NFYC: variants seen among roughly 807,000 people sequenced by gnomAD.
NFYC encodes the protein CAAT box DNA-binding protein subunit C.
A neutral mutation model predicts 53.1 loss-of-function variants in NFYC; 25 were observed. The observed-to-expected ratio is 0.47, with a 90% CI of 0.34 to 0.66. The LOEUF (loss-of-function observed/expected upper bound fraction) is 0.66. Ranked by LOEUF, NFYC falls within the 30% of genes least tolerant of loss-of-function variation. The probability of loss-of-function intolerance (pLI) is 0.01; values close to 1 mark genes in which losing one functional copy is unlikely to be tolerated. For synonymous variants in NFYC, 145 were observed against 152.6 expected, an observed-to-expected ratio of 0.95 and a Z score of 0.37; for missense variants, 260 against 422.7, an observed-to-expected ratio of 0.62 and a Z score of 3.38.
intron 1 of NFYC, among the ~76,000 whole-genome samples, chr1:40,731,348 T>C (rs1644760946): frequency 6.6e-6 from 1 of 151,604 alleles, no homozygotes; most frequent in South Asian, 2.1e-4. Flanking sequence ...CTAATTTTTG[T>C]ATTTTTAGTA....
At chr1:40,767,239 A>G in intron 8 of NFYC, 1 of 447,508 alleles carries the variant, frequency 2.2e-6, no homozygotes, top group East Asian at 4.4e-5. Flanking sequence ...GTTGAGGGAC[A>G]TGGGTATTAC....
chr1:40,728,876 T>A (rs1644639353), intron 1 of NFYC, among the ~76,000 whole-genome samples: 1 of 152,106 alleles, frequency 6.6e-6, no homozygotes, highest in Non-Finnish European at 1.5e-5. Context: ...GACCTCAGGT[T>A]ATCCGCCCGC....
At chr1:40,716,550 C>T (rs1354404578) in intron 1 of NFYC, among the ~76,000 whole-genome samples, 1 of 152,102 alleles carries the variant, frequency 6.6e-6, no homozygotes, top group African/African-American at 2.4e-5. Flanking sequence ...CTCTGCTTGA[C>T]GTTGGTGACC....
At position 40,736,820 on chromosome 1, in the gene NFYC, CAA is replaced by C. The variant is rs71060396; in HGVS notation, c.-8-1993_-8-1992del. The stretch of plus-strand genomic sequence containing the variant: ...CAGTAAGTATAATGCAAACTTATTC[CAA>C]AAAAAAAAAAAAAAAAAAAAAAGGC... On this transcript the variant is annotated intron_variant, in intron 1 of 9. Coordinates refer to ENST00000447388, the MANE Select transcript of NFYC (RefSeq NM_014223.5). 8.4e-3 allele frequency among the ~76,000 whole-genome samples: 538 copies of C among 63,678 alleles called. 3 individuals carry two copies. Among genetic ancestry groups the C allele is most frequent in the African/African-American group, 0.032 (512 of 16,212 alleles). The allele number at this position is 63,678 out of a possible 152,430, so 41.8% of individuals were successfully genotyped here.
intron 1 of NFYC, among the ~76,000 whole-genome samples, chr1:40,713,915 G>T (rs11805860): frequency 0.21 from 31,898 of 152,166 alleles, 3,412 homozygotes; most frequent in African/African-American, 0.23. Flanking sequence ...AAGTGTGTTG[G>T]TTAGAAAGTC....
intron 6 of NFYC, 94 bp from the exon 7 acceptor site, chr1:40,762,794 T>G: frequency 8.1e-7 from 1 of 1,239,112 alleles, no homozygotes; most frequent in African/African-American, 1.5e-5. Flanking sequence ...TGGAGAGGGT[T>G]TGCTCCCAGC....
intron 2 of NFYC, 73 bp from the exon 3 acceptor site, chr1:40,747,461 C>A: frequency 2.0e-6 from 2 of 1,022,378 alleles, no homozygotes; most frequent in Admixed American, 1.8e-5. Context: ...CAGAGTGTTT[C>A]CTACTGCCTG....
At chr1:40,693,988 G>C (rs1642986992) in intron 1 of NFYC, among the ~76,000 whole-genome samples, 1 of 152,236 alleles carries the variant, frequency 6.6e-6, no homozygotes, top group South Asian at 2.1e-4. Flanking sequence ...GATTTACCAA[G>C]TAAATTGCTG....
At chr1:40,753,319 C>G in intron 5 of NFYC, 73 bp downstream of exon 5, 1 of 982,478 alleles carries the variant, frequency 1.0e-6, no homozygotes, top group Admixed American at 1.8e-5. Context: ...TACGCTCCTT[C>G]TCTCTCAGCA....
At chr1:40,730,679 C>A in intron 1 of NFYC, 1 of 855,252 alleles carries the variant, frequency 1.2e-6, no homozygotes, top group Non-Finnish European at 1.4e-6. Flanking sequence ...GTTGGGAACT[C>A]AACCCAAAAA....
Position 40,770,522 on chromosome 1 carries a change from C to T in NFYC, c.889-187C>T, listed in dbSNP as rs772169433. The T allele has an allele frequency of 6.4e-7, 1 of 1,559,650 alleles. No homozygotes were observed. The highest frequency in any genetic ancestry group is 1.4e-5 in the African/African-American group (1 of 73,404). Reference sequence around the variant, plus strand: ...TGCCCACCACACACCCCCCCTCACACCGGGCTGGTGCCTCCTGTGTCTGCT... The same window carrying T: ...TGCCCACCACACACCCCCCCTCACATCGGGCTGGTGCCTCCTGTGTCTGCT... On this transcript the variant is annotated intron_variant, in intron 9 of 9. Transcript: ENST00000447388. The surrounding 1 kb of genome is among the most constrained non-coding windows in gnomAD (Gnocchi z 5.3).
intron 8 of NFYC, chr1:40,769,019 C>G (rs888027745): frequency 7.4e-5 from 17 of 230,304 alleles, no homozygotes; most frequent in African/African-American, 3.9e-4. Context: ...GGACTTCTAC[C>G]CCAAACCATA....
intron 3 of NFYC, 44 bp from the exon 4 acceptor site, chr1:40,749,529 A>G (rs775353873): frequency 8.6e-6 from 13 of 1,507,882 alleles, no homozygotes; most frequent in South Asian, 2.2e-5. Context: ...ACTGGTTTGC[A>G]TGACTTGCTG....
chr1:40,758,231 C>G lies in NFYC; in HGVS notation c.498C>G (p.Thr166=). ...AGGGCCAGCAGCAAGGCCAGCAGACCACCAGCTCCACGACCACCATCCAGC... is the reference window on the plus strand; with the variant it reads ...AGGGCCAGCAGCAAGGCCAGCAGACGACCAGCTCCACGACCACCATCCAGC... ...QVQGQQQGQQ[T]TSSTTTIQPG... Residue 166 remains threonine, a synonymous_variant, in exon 6 of 10, where the codon ACC becomes ACG. Coordinates refer to ENST00000447388, the MANE Select transcript of NFYC (RefSeq NM_014223.5). 1.9e-6 allele frequency: 3 copies of G among 1,613,480 alleles called. No individual in the cohort carries two copies. The highest frequency in any genetic ancestry group is 2.5e-6 in the Non-Finnish European group (3 of 1,180,042).
At chr1:40,709,113 C>G (rs148006377) in intron 1 of NFYC, among the ~76,000 whole-genome samples, 2 of 152,338 alleles carry the variant, frequency 1.3e-5, no homozygotes, top group South Asian at 4.1e-4. Flanking sequence ...ATTTGCCAGA[C>G]ATTTCCACGC....
chr1:40,746,765 C>G (rs1645627966), intron 2 of NFYC, among the ~76,000 whole-genome samples: 1 of 152,146 alleles, frequency 6.6e-6, no homozygotes, highest in Admixed American at 6.5e-5. Flanking sequence ...GGGCTTAAGT[C>G]TCAAATTATT....
intron 1 of NFYC, among the ~76,000 whole-genome samples, chr1:40,702,856 G>A (rs569682328): frequency 6.6e-6 from 1 of 150,804 alleles, no homozygotes; most frequent in African/African-American, 2.4e-5. Context: ...TCACTCTGTT[G>A]CCCAGGCCGG....
chr1:40,764,251 G>A (rs532828009), intron 7 of NFYC, among the ~76,000 whole-genome samples: 2 of 152,340 alleles, frequency 1.3e-5, no homozygotes, highest in South Asian at 2.1e-4. Flanking sequence ...AGAAACTCAC[G>A]TAGACTTGGT....
At chr1:40,769,491 T>A (rs1000043897) in intron 9 of NFYC, 76 bp downstream of exon 9, 116 of 1,297,060 alleles carry the variant, frequency 8.9e-5, no homozygotes, top group Non-Finnish European at 1.3e-4. Context: ...TGGGTTTGGA[T>A]GGTTAGGGCA....
Sources: allele counts gnomAD v4.1 joint callset (sites outside exome capture counted in the v4.1 genomes callset), GRCh38; gene constraint gnomAD v4.1.1; non-coding constraint Gnocchi (gnomAD v3.1); transcripts MANE v1.5; gene names NCBI Gene and HGNC (gene_info 2026-07-23, HGNC 2026-07-21).